FAM131B: variants seen among roughly 807,000 people sequenced by gnomAD.
The protein encoded by FAM131B is family with sequence similarity 131 member B.
FAM131B carries 19 observed loss-of-function variants against 42.0 expected under a neutral mutation model. The ratio of observed to expected loss-of-function variants is 0.45; its 90% CI spans 0.32 to 0.66. The LOEUF (loss-of-function observed/expected upper bound fraction) is 0.66. Among genes scored for constraint, FAM131B ranks in the 30% least tolerant of loss-of-function variants. The pLI is 0.05. For missense variants in FAM131B, 370 were observed against 468.4 expected (o/e 0.79, Z 1.94); for synonymous variants, 183 against 177.6 (o/e 1.03, Z -0.24).
chr7:143,374,145 T>A, the FAM131B span, among the ~76,000 whole-genome samples: 1 of 152,166 alleles, frequency 6.6e-6, no homozygotes, highest in Admixed American at 6.5e-5. Context: ...CTTATAAATG[T>A]GGATCTTCAG....
At chr7:143,367,017 G>A (rs143939560), upstream of FAM131B, among the ~76,000 whole-genome samples, 13 of 152,314 alleles carry the variant, frequency 8.5e-5, no homozygotes, top group African/African-American at 2.6e-4. Context: ...GATGTTTGTA[G>A]TGTGTAAGTT....
At chr7:143,363,252 CAGA>C (rs1195593804), upstream of FAM131B, among the ~76,000 whole-genome samples, 1 of 152,186 alleles carries the variant, frequency 6.6e-6, no homozygotes, top group African/African-American at 2.4e-5. Flanking sequence ...TCCATCCAAA[CAGA>C]AGGTGAAGTC....
Position 143,360,054 on chromosome 7 carries a change from G to A in FAM131B, c.124C>T (p.Arg42Trp), listed in dbSNP as rs550666460. The A allele has an allele frequency of 3.7e-6, 6 of 1,613,102 alleles. No homozygotes were observed. The highest frequency in any genetic ancestry group is 4.5e-5 in the East Asian group (2 of 44,872). ...TSSLHGSSLH[R>W]PSTEQTRTDF... ...TGAGGTCTCACCTCAGTCGATGGCC[G>A]ATGGAGGCTGCTCCCGTGCAGTGAG... The change falls in exon 2 of 7, where the codon CGG becomes TGG. Residue 42 changes from arginine to tryptophan, a missense_variant. Physicochemically the swap from Arg to Trp is moderately radical, Grantham distance 101. Coordinates refer to ENST00000443739, the MANE Select transcript of FAM131B (RefSeq NM_001031690.3).
At chr7:143,371,390 T>C in the FAM131B span, among the ~76,000 whole-genome samples, 1 of 151,930 alleles carries the variant, frequency 6.6e-6, no homozygotes, top group Non-Finnish European at 1.5e-5. Flanking sequence ...TGTGAGAGGA[T>C]TGCTTGAGCT....
the FAM131B span, among the ~76,000 whole-genome samples, chr7:143,378,163 G>A: frequency 6.6e-6 from 1 of 152,226 alleles, no homozygotes; most frequent in Admixed American, 6.5e-5. Context: ...TCCCTGGCCC[G>A]TGAGTGAACC....
At chr7:143,376,102 C>T in the FAM131B span, among the ~76,000 whole-genome samples, 5 of 152,142 alleles carry the variant, frequency 3.3e-5, no homozygotes, top group Non-Finnish European at 5.9e-5. Flanking sequence ...ACCTCTGCTC[C>T]CTGGATGCCT....
chr7:143,376,829 T>C, the FAM131B span, among the ~76,000 whole-genome samples: 2 of 152,232 alleles, frequency 1.3e-5, no homozygotes, highest in African/African-American at 4.8e-5. Context: ...AGGAAAAAGA[T>C]ACAACGGCTC....
At chr7:143,381,522 G>A in the FAM131B span, 1 of 1,575,174 alleles carries the variant, frequency 6.3e-7, no homozygotes, top group Non-Finnish European at 8.6e-7. Flanking sequence ...TCCTGAGCCC[G>A]GCTCCGCGCT....
the FAM131B span, among the ~76,000 whole-genome samples, chr7:143,375,562 G>C: frequency 6.6e-6 from 1 of 152,138 alleles, no homozygotes; most frequent in Non-Finnish European, 1.5e-5. Flanking sequence ...AAGCTCTGAG[G>C]GTGACTCAGA....
Position 143,359,866 on chromosome 7 carries a change from G to T in FAM131B, c.139-99C>A. 1 of 1,232,622 alleles carries T rather than the reference G, an allele frequency of 8.1e-7. No homozygotes were observed. The highest frequency in any genetic ancestry group is 1.2e-6 in the Non-Finnish European group (1 of 859,562). 76.4% of individuals were successfully genotyped at this position (1,232,622 alleles called of 1,614,324 possible). A position where few individuals can be genotyped will look rare whatever the true frequency, so the allele number is the denominator to read the frequency against. On this transcript the variant is annotated intron_variant, in intron 2 of 6. Transcript: ENST00000443739. This position sits in a 1 kb window ranked among gnomAD's most constrained non-coding sequence, Gnocchi z 5.4. Reference sequence around the variant, plus strand: ...GGCCTTCCAGGAGTGCGGGATGTGGGGAGGGCTTTCCTGAGGTTGATGCCG... The same window carrying T: ...GGCCTTCCAGGAGTGCGGGATGTGGTGAGGGCTTTCCTGAGGTTGATGCCG...
the FAM131B span, among the ~76,000 whole-genome samples, chr7:143,371,016 CTCTT>C: frequency 1.3e-5 from 2 of 152,170 alleles, no homozygotes; most frequent in African/African-American, 4.8e-5. Flanking sequence ...TTCCCAAACA[CTCTT>C]TCTTGGTTCT....
At chr7:143,357,920 A>T (rs1803748006) in intron 5 of FAM131B, among the ~76,000 whole-genome samples, 1 of 152,174 alleles carries the variant, frequency 6.6e-6, no homozygotes, top group Admixed American at 6.5e-5. Flanking sequence ...GGGTCTTCTG[A>T]TGAGATATCC....
the FAM131B span, among the ~76,000 whole-genome samples, chr7:143,369,000 A>G: frequency 2.6e-5 from 4 of 152,254 alleles, no homozygotes; most frequent in Non-Finnish European, 5.9e-5. Context: ...AAAACAGTGA[A>G]GGCATTTTCC....
chr7:143,380,762 G>A, the FAM131B span: 2 of 985,282 alleles, frequency 2.0e-6, no homozygotes, highest in Non-Finnish European at 2.4e-6. This position sits in a 1 kb window ranked among gnomAD's most constrained non-coding sequence, Gnocchi z 5.0. Flanking sequence ...GAGGGAGAAC[G>A]CCCCGCTCCT....
intron 6 of FAM131B, 120 bp downstream of exon 6, chr7:143,357,160 G>A (rs1345456284): frequency 8.3e-7 from 1 of 1,199,962 alleles, no homozygotes; most frequent in Non-Finnish European, 1.2e-6. Flanking sequence ...GAGTAGGGAG[G>A]ACAATGGGAA....
chr7:143,373,179 G>T, the FAM131B span, among the ~76,000 whole-genome samples: 77,858 of 151,542 alleles, frequency 0.51, 20,562 homozygotes, highest in Middle Eastern at 0.59. Context: ...GGTCAGGAGT[G>T]CCAGACCAGC....
rs948255639 is a variant in FAM131B, at chr7:143,359,680, T to G, written c.174+52A>C. On this transcript the variant is annotated intron_variant, in intron 3 of 6. Coordinates refer to ENST00000443739, the MANE Select transcript of FAM131B (RefSeq NM_001031690.3). This position sits in a 1 kb window ranked among gnomAD's most constrained non-coding sequence, Gnocchi z 5.4. ...TGGTTGGAAGGTGCAAGGGAGAAGATGAGGAGGAGGAGTTCGGGAGGATGG... is the reference window on the plus strand; with the variant it reads ...TGGTTGGAAGGTGCAAGGGAGAAGAGGAGGAGGAGGAGTTCGGGAGGATGG... 2.7e-6 allele frequency: 4 copies of G among 1,504,760 alleles called. No individual in the cohort carries two copies. Among genetic ancestry groups the G allele is most frequent in the Non-Finnish European group, 3.6e-6 (4 of 1,102,546 alleles). 93.2% of individuals were successfully genotyped at this position (1,504,760 alleles called of 1,614,324 possible).
At position 143,356,908 on chromosome 7, in the gene FAM131B, G is replaced by A. The variant is rs1803684371; in HGVS notation, c.725C>T (p.Ser242Phe). The A allele has an allele frequency of 6.2e-7, 1 of 1,614,136 alleles. No homozygotes were observed. Among genetic ancestry groups the A allele is most frequent in the Non-Finnish European group, 8.5e-7 (1 of 1,180,028 alleles). The stretch of plus-strand genomic sequence containing the variant: ...CCCAAGATAGGATCCTGTGGCCGGA[G>A]AGGCAATGAGGGACTGATCGCTGGC... ...WEASDQSLIA[S>F]PATGSYLGPA... is the part of the protein sequence containing the mutation. Residue 242 changes from serine to phenylalanine, a missense_variant, in exon 7 of 7, where the codon TCT (serine) becomes TTT (phenylalanine). Ser to Phe is a radical substitution (Grantham distance 155). Coordinates refer to ENST00000443739, the MANE Select transcript of FAM131B (RefSeq NM_001031690.3). The surrounding 1 kb of genome is among the most constrained non-coding windows in gnomAD (Gnocchi z 4.4).
chr7:143,376,921 T>C, the FAM131B span, among the ~76,000 whole-genome samples: 3 of 152,248 alleles, frequency 2.0e-5, no homozygotes, highest in African/African-American at 2.4e-5. Context: ...AAAAGCCTTC[T>C]GTCCTCCTCA....
Sources: gnomAD v4.1 joint callset for allele counts (sites outside exome capture counted in the v4.1 genomes callset) on GRCh38, gnomAD v4.1.1 for gene constraint, Gnocchi (gnomAD v3.1) non-coding constraint, MANE v1.5 for transcripts, NCBI Gene and HGNC (gene_info 2026-07-23, HGNC 2026-07-21) for gene names.